The following EDARADD variants were observed in gnomAD, a reference collection of about 807,000 sequenced individuals.
The protein encoded by EDARADD is ectodysplasin-A receptor-associated adapter protein.
A neutral mutation model predicts 25.6 loss-of-function variants in EDARADD; 20 were observed. The observed-to-expected ratio is 0.78, with a 90% CI of 0.55 to 1.14. The LOEUF (loss-of-function observed/expected upper bound fraction) is 1.14. Among genes scored for constraint, EDARADD ranks in the 50% most tolerant of loss-of-function variants. The pLI, the probability that EDARADD is intolerant of heterozygous loss-of-function variation, is 0.00. For missense variants in EDARADD, 225 were observed against 270.1 expected, an observed-to-expected ratio of 0.83 and a Z score of 1.17; for synonymous variants, 86 against 94.4, an observed-to-expected ratio of 0.91 and a Z score of 0.52.
chr1:236,477,693 A>G (rs920684768), intron 5 of EDARADD, among the ~76,000 whole-genome samples: 1 of 152,162 alleles, frequency 6.6e-6, no homozygotes, highest in Non-Finnish European at 1.5e-5. Flanking sequence ...CGTTCTGATC[A>G]TGAAGGAAAC....
chr1:236,437,614 G>A (rs1164524564), intron 4 of EDARADD, among the ~76,000 whole-genome samples: 1 of 152,076 alleles, frequency 6.6e-6, no homozygotes, highest in Non-Finnish European at 1.5e-5. Context: ...GTTCTAAAAT[G>A]TTGGTGTTGG....
chr1:236,473,003 C>A (rs1313112080), intron 5 of EDARADD, among the ~76,000 whole-genome samples: 1 of 152,142 alleles, frequency 6.6e-6, no homozygotes, highest in Admixed American at 6.5e-5. Flanking sequence ...TGCTAAGAAG[C>A]CTAATTTTTC....
At chr1:236,417,316 TAA>T (rs1178978738) in intron 3 of EDARADD, among the ~76,000 whole-genome samples, 2 of 152,208 alleles carry the variant, frequency 1.3e-5, no homozygotes, top group East Asian at 3.8e-4. Context: ...TAATTAGCGT[TAA>T]GAGTTTCACA....
chr1:236,481,757 C>T (rs1659679290), intron 5 of EDARADD, among the ~76,000 whole-genome samples: 2 of 129,842 alleles, frequency 1.5e-5, no homozygotes, highest in Admixed American at 8.5e-5. Flanking sequence ...CCAGCCTGGG[C>T]AACAGAGTGA....
At chr1:236,480,371 T>C (rs1659638904) in intron 5 of EDARADD, among the ~76,000 whole-genome samples, 1 of 152,118 alleles carries the variant, frequency 6.6e-6, no homozygotes. Flanking sequence ...AACACCGTGA[T>C]AACAATGTTT....
intron 3 of EDARADD, among the ~76,000 whole-genome samples, chr1:236,357,962 C>A (rs896279500): frequency 7.2e-5 from 11 of 151,900 alleles, no homozygotes; most frequent in African/African-American, 2.7e-4. Context: ...AACCTCTGCC[C>A]CTTAGGTTCA....
chr1:236,363,003 AAAAATATATATAT>A (rs1422054934), intron 3 of EDARADD, among the ~76,000 whole-genome samples: 2 of 92,224 alleles, frequency 2.2e-5, no homozygotes, highest in Admixed American at 2.8e-4. Flanking sequence ...AAAAAAAAAA[AAAAATATATATAT>A]ATATATATAT....
chr1:236,399,450 G>A (rs1572129002), intron 1 of EDARADD, among the ~76,000 whole-genome samples: 1 of 152,138 alleles, frequency 6.6e-6, no homozygotes, highest in South Asian at 2.1e-4. Context: ...GCTTCCCAAA[G>A]TGCTGGGATT....
intron 1 of EDARADD, 35 bp from the exon 2 acceptor site, chr1:236,409,181 C>T (rs749338738): frequency 7.7e-6 from 12 of 1,565,612 alleles, no homozygotes; most frequent in Non-Finnish European, 1.1e-5. Context: ...TTAAAGCAAA[C>T]CCGCTCTATT....
At chr1:236,381,996 TG>T (rs2102996264) in intron 3 of EDARADD, among the ~76,000 whole-genome samples, 1 of 152,104 alleles carries the variant, frequency 6.6e-6, no homozygotes, top group South Asian at 2.1e-4. Flanking sequence ...ATGATTATGT[TG>T]GGTTTTGGTG....
chr1:236,443,889 A>G (rs1259517414), intron 4 of EDARADD, among the ~76,000 whole-genome samples: 1 of 152,202 alleles, frequency 6.6e-6, no homozygotes, highest in African/African-American at 2.4e-5. Context: ...CTCAAACAGC[A>G]TCATACGCTC....
chr1:236,424,984 C>G (rs1657876235), intron 3 of EDARADD, among the ~76,000 whole-genome samples: 1 of 152,182 alleles, frequency 6.6e-6, no homozygotes, highest in Admixed American at 6.5e-5. Context: ...CTCCATATGT[C>G]CCAAGGGACC....
chr1:236,355,941 C>T lies in EDARADD; in HGVS notation c.-6+5102C>T, dbSNP rs188476663. Among the ~76,000 whole-genome samples, 416 of 152,178 alleles carry T rather than the reference C, an allele frequency of 2.7e-3. 1 individual carries two copies. The highest frequency in any genetic ancestry group is 4.6e-3 in the Non-Finnish European group (311 of 67,992). The stretch of plus-strand genomic sequence containing the variant: ...CTTAAAAACATGGGGCACATGTTCC[C>T]AGGACCTCCTGAGGGCTGTATCACA... On this transcript the variant is annotated intron_variant, in intron 3 of 7. Coordinates refer to the EDARADD transcript ENST00000439430.
intron 3 of EDARADD, among the ~76,000 whole-genome samples, chr1:236,376,382 G>A (rs1035948182): frequency 2.0e-5 from 3 of 151,944 alleles, no homozygotes; most frequent in African/African-American, 4.8e-5. Context: ...TTGTTTATCC[G>A]AGAAGCTTTT....
intron 4 of EDARADD, among the ~76,000 whole-genome samples, chr1:236,444,787 T>C (rs1658489297): frequency 6.6e-6 from 1 of 152,218 alleles, no homozygotes; most frequent in Admixed American, 6.5e-5. Flanking sequence ...GGCAGTGCAC[T>C]CTAAGCTGAA....
chr1:236,395,917 C>T lies in EDARADD; in HGVS notation c.61+1412C>T, dbSNP rs1256518483. Among the ~76,000 whole-genome samples, 1 of 152,192 alleles carries T rather than the reference C, an allele frequency of 6.6e-6. No homozygotes were observed. The highest frequency in any genetic ancestry group is 1.5e-5 in the Non-Finnish European group (1 of 68,030). ...CGCGTCAGCCACCGCGCGCCTTCCC[C>T]CTGCCCATGCCGCAGCCCCCGTGGC... On this transcript the variant is annotated intron_variant, in intron 1 of 5. Transcript: ENST00000334232. The surrounding 1 kb of genome is among the most constrained non-coding windows in gnomAD (Gnocchi z 6.9).
At chr1:236,393,404 T>TTC (rs1297372640), upstream of EDARADD, among the ~76,000 whole-genome samples, 1 of 131,908 alleles carries the variant, frequency 7.6e-6, no homozygotes, top group East Asian at 2.2e-4. Flanking sequence ...TTTTTTTTTT[T>TTC]TTTTTTTTTG....
At chr1:236,378,625 C>T (rs531013690) in intron 3 of EDARADD, among the ~76,000 whole-genome samples, 1 of 152,188 alleles carries the variant, frequency 6.6e-6, no homozygotes, top group Non-Finnish European at 1.5e-5. Flanking sequence ...TTCCAAGCTC[C>T]CTGCGTGCTG....
At chr1:236,379,740 A>G (rs1246269848) in intron 3 of EDARADD, among the ~76,000 whole-genome samples, 1 of 152,188 alleles carries the variant, frequency 6.6e-6, no homozygotes, top group African/African-American at 2.4e-5. Context: ...AGATGGTGCC[A>G]CTGCACTCCA....
Sources: gnomAD v4.1 joint callset for allele counts (sites outside exome capture counted in the v4.1 genomes callset) on GRCh38, gnomAD v4.1.1 for gene constraint, Gnocchi (gnomAD v3.1) non-coding constraint, MANE v1.5 for transcripts, NCBI Gene and HGNC (gene_info 2026-07-23, HGNC 2026-07-21) for gene names.